Variants in NCOA6 observed in about 807,000 individuals in gnomAD.
NCOA6 encodes NRC RAP250.
Under a neutral mutation model 171.4 loss-of-function variants are expected in NCOA6, and 49 were observed. The ratio of observed to expected loss-of-function variants is 0.29; its 90% CI spans 0.23 to 0.36. The LOEUF is 0.36. Among genes scored for constraint, NCOA6 ranks in the 10% least tolerant of loss-of-function variants. The pLI is 1.00. For missense variants in NCOA6, 2,248 were observed against 2,554.5 expected (o/e 0.88, Z 2.59); for synonymous variants, 910 against 927.5 (o/e 0.98, Z 0.34).
Position 34,743,328 on chromosome 20 carries a change from T to C in NCOA6, c.2928A>G (p.Gln976=), listed in dbSNP as rs1158866158. Residue 976 remains glutamine (Q), a synonymous_variant, in exon 11 of 15, where the codon CAA becomes CAG. Transcript: ENST00000359003. ...GCTGAAGTGGCCTCTGTTCAACTGG[T>C]TGAGAAGGATAACCTAAAACAAGCC... is the stretch of plus-strand genomic sequence containing the variant. ...FSNRPPGYPS[Q]PVEQRPLQQM... is the part of the protein sequence containing the mutation. 1 of 1,602,678 alleles carries C rather than the reference T, an allele frequency of 6.2e-7. No individual in the cohort carries two copies. Among genetic ancestry groups the C allele is most frequent in the East Asian group, 2.2e-5 (1 of 44,612 alleles).
intron 10 of NCOA6, 120 bp from the exon 11 acceptor site, chr20:34,743,461 G>T: frequency 9.7e-7 from 1 of 1,035,524 alleles, no homozygotes; most frequent in East Asian, 2.5e-5. Context: ...AACAGCTCAG[G>T]CATGCCCACT....
chr20:34,751,324 T>C (rs2076473626), intron 8 of NCOA6, among the ~76,000 whole-genome samples: 1 of 130,568 alleles, frequency 7.7e-6, no homozygotes, highest in African/African-American at 3.0e-5. Flanking sequence ...GAGCCGAGAT[T>C]GCGCCACTGC....
Position 34,721,643 on chromosome 20 carries a change from G to C in NCOA6, c.6148+5616C>G, listed in dbSNP as rs115276696. Reference sequence around the variant, plus strand: ...TCTAATGTCACCTCTGATTTGACAGGAGATGGAGCTCAGGCAGTAATGCTC... The same window carrying C: ...TCTAATGTCACCTCTGATTTGACAGCAGATGGAGCTCAGGCAGTAATGCTC... On this transcript the variant is annotated intron_variant, in intron 14 of 14. Transcript: ENST00000359003. 2.4e-3 allele frequency among the ~76,000 whole-genome samples: 361 copies of C among 152,252 alleles called. 1 individual carries two copies. Among genetic ancestry groups the C allele is most frequent in the African/African-American group, 8.4e-3 (348 of 41,540 alleles).
At chr20:34,801,285 T>C (rs2078246124) in intron 1 of NCOA6, among the ~76,000 whole-genome samples, 1 of 151,932 alleles carries the variant, frequency 6.6e-6, no homozygotes, top group Non-Finnish European at 1.5e-5. Flanking sequence ...AACCTAACAA[T>C]GTATCTTAAA....
intron 11 of NCOA6, among the ~76,000 whole-genome samples, chr20:34,739,242 T>C (rs1318723431): frequency 6.6e-6 from 1 of 152,232 alleles, no homozygotes; most frequent in Non-Finnish European, 1.5e-5. Flanking sequence ...TTTTACCATT[T>C]ATTGAATAAT....
intron 14 of NCOA6, among the ~76,000 whole-genome samples, chr20:34,718,464 TGA>T (rs936297190): frequency 5.3e-5 from 8 of 152,048 alleles, no homozygotes; most frequent in Non-Finnish European, 4.4e-5. Flanking sequence ...ACTACTCTAA[TGA>T]ATAGGCAAAT....
intron 3 of NCOA6, among the ~76,000 whole-genome samples, chr20:34,778,416 G>A (rs898040313): frequency 6.6e-6 from 1 of 151,726 alleles, no homozygotes; most frequent in African/African-American, 2.4e-5. Flanking sequence ...GTTATTCAAT[G>A]GTTAGAGACG....
At chr20:34,791,012 T>A (rs1363940484) in intron 2 of NCOA6, among the ~76,000 whole-genome samples, 2 of 152,160 alleles carry the variant, frequency 1.3e-5, no homozygotes, top group Non-Finnish European at 2.9e-5. Context: ...GATTAGTGGT[T>A]GTGAGCGGGA....
intron 8 of NCOA6, among the ~76,000 whole-genome samples, chr20:34,750,844 C>T (rs1228988811): frequency 6.6e-6 from 1 of 152,136 alleles, no homozygotes; most frequent in Non-Finnish European, 1.5e-5. Context: ...CAGCATCTCA[C>T]TGTTTTAAAA....
chr20:34,745,972 TATAA>T (rs1218050985), intron 10 of NCOA6, among the ~76,000 whole-genome samples: 1 of 152,198 alleles, frequency 6.6e-6, no homozygotes, highest in African/African-American at 2.4e-5. Flanking sequence ...TCCTATTTAT[TATAA>T]ATTATTAACC....
intron 13 of NCOA6, among the ~76,000 whole-genome samples, chr20:34,728,005 G>A (rs1409367198): frequency 3.3e-5 from 5 of 152,114 alleles, no homozygotes; most frequent in East Asian, 1.9e-4. Context: ...GATTACAGGC[G>A]TGAGCCATTG....
intron 1 of NCOA6, among the ~76,000 whole-genome samples, chr20:34,823,170 T>C (rs544232187): frequency 3.9e-5 from 6 of 152,214 alleles, no homozygotes; most frequent in Non-Finnish European, 7.3e-5. Flanking sequence ...TTAAAAAATA[T>C]TATTCTGAAA....
chr20:34,802,264 C>T (rs962111066), intron 1 of NCOA6, among the ~76,000 whole-genome samples: 1 of 152,134 alleles, frequency 6.6e-6, no homozygotes. Flanking sequence ...TTCAGGAGTT[C>T]AAGACCAGCC....
chr20:34,780,189 C>T (rs1281453615), intron 3 of NCOA6, among the ~76,000 whole-genome samples: 1 of 152,160 alleles, frequency 6.6e-6, no homozygotes, highest in Non-Finnish European at 1.5e-5. Context: ...ATCAAATTTG[C>T]TTATGGTATT....
chr20:34,729,329 T>C (rs935426496), intron 13 of NCOA6, among the ~76,000 whole-genome samples: 19 of 152,212 alleles, frequency 1.2e-4, no homozygotes, highest in Admixed American at 6.5e-4. Context: ...CTAAAATATA[T>C]GTACAGTGAA....
At position 34,742,738 on chromosome 20, in the gene NCOA6, A is replaced by C; in HGVS notation, c.3518T>G (p.Leu1173Arg). The change falls in exon 11 of 15, where the codon CTT (leucine) becomes CGT (arginine). Residue 1173 changes from leucine (L) to arginine (R), a missense_variant. By Grantham distance (102) the Leu-to-Arg change is moderately radical. Around this residue, in one of 7 missense-constraint regions of NCOA6, gnomAD observed 352 missense variants for 419.1 expected, o/e 0.84. Coordinates refer to ENST00000359003, the MANE Select transcript of NCOA6 (RefSeq NM_014071.5). ...GGGAGTTGCACCTTGAGTTGCTGAA[A>C]GGGGCGATGGTCCAGGTTTTGGCCC... ...MTGPKPGPSPLSATQGATPQQ... is the reference protein window; with the variant it reads ...MTGPKPGPSPRSATQGATPQQ... 1 of 1,614,078 alleles carries C rather than the reference A, an allele frequency of 6.2e-7. No homozygotes were observed. The highest frequency in any genetic ancestry group is 8.5e-7 in the Non-Finnish European group (1 of 1,180,018).
chr20:34,750,074 G>C lies in NCOA6; in HGVS notation c.2121C>G (p.Leu707=), dbSNP rs746581581. ...QMMGPQGQVL[L]QQNPMIEQIM... Reference sequence around the variant, plus strand: ...TCTGCTCTATCATTGGGTTCTGTTGGAGCAAAACCTGCCCCTGAGGCCCCA... The same window carrying C: ...TCTGCTCTATCATTGGGTTCTGTTGCAGCAAAACCTGCCCCTGAGGCCCCA... The change falls in exon 9 of 15, where the codon CTC becomes CTG. Residue 707 remains leucine (L), a synonymous_variant. Coordinates refer to ENST00000359003, the MANE Select transcript of NCOA6 (RefSeq NM_014071.5). 2 of 1,614,176 alleles carry C rather than the reference G, an allele frequency of 1.2e-6. No homozygotes were observed. Among genetic ancestry groups the C allele is most frequent in the Non-Finnish European group, 1.7e-6 (2 of 1,180,028 alleles).
At chr20:34,815,426 C>T (rs974836486) in intron 1 of NCOA6, among the ~76,000 whole-genome samples, 1 of 151,864 alleles carries the variant, frequency 6.6e-6, no homozygotes, top group Non-Finnish European at 1.5e-5. Flanking sequence ...AAGAGCATAT[C>T]ATTAGCCTGG....
chr20:34,781,420 T>A (rs1157130283), intron 3 of NCOA6, among the ~76,000 whole-genome samples: 1 of 152,168 alleles, frequency 6.6e-6, no homozygotes, highest in Non-Finnish European at 1.5e-5. Flanking sequence ...GTAATCTAAA[T>A]GTGTGAAGAA....
Sources: allele counts gnomAD v4.1 joint callset (sites outside exome capture counted in the v4.1 genomes callset), GRCh38; gene constraint gnomAD v4.1.1; regional missense constraint gnomAD v4.1.1; transcripts MANE v1.5; gene names NCBI Gene and HGNC (gene_info 2026-07-23, HGNC 2026-07-21).